The following ALK variants were observed in gnomAD, a reference collection of about 807,000 sequenced individuals.
ALK encodes the protein ALK tyrosine kinase receptor.
A neutral mutation model predicts 163.1 loss-of-function variants in ALK; 74 were observed. That is an observed-to-expected ratio of 0.45 (90% CI 0.38 to 0.55). ALK has a LOEUF of 0.55. Ranked by LOEUF, ALK falls within the 20% of genes least tolerant of loss-of-function variation. The probability of loss-of-function intolerance (pLI) is 0.00; values close to 1 mark genes in which losing one functional copy is unlikely to be tolerated. For synonymous variants in ALK, 960 were observed against 843.2 expected (o/e 1.14, Z -2.40); for missense variants, 2,063 against 2,105.3 (o/e 0.98, Z 0.39).
At chr2:29,771,814 A>G (rs142362682) in intron 1 of ALK, among the ~76,000 whole-genome samples, 1,695 of 152,254 alleles carry the variant, frequency 0.011, 27 homozygotes, top group African/African-American at 0.036. Context: ...GATTACAGGC[A>G]TGAGCCACTG....
At chr2:29,847,096 T>A (rs1665864363) in intron 1 of ALK, among the ~76,000 whole-genome samples, 1 of 152,146 alleles carries the variant, frequency 6.6e-6, no homozygotes, top group Admixed American at 6.5e-5. Flanking sequence ...GAGAGGAATC[T>A]CACTGTGGGT....
intron 3 of ALK, among the ~76,000 whole-genome samples, chr2:29,546,671 G>T (rs1191514480): frequency 6.6e-6 from 1 of 152,096 alleles, no homozygotes; most frequent in East Asian, 1.9e-4. Flanking sequence ...TTCAATTTTT[G>T]CTTTAAGTCC....
At chr2:29,750,881 C>A (rs1305601621) in intron 1 of ALK, among the ~76,000 whole-genome samples, 1 of 151,312 alleles carries the variant, frequency 6.6e-6, no homozygotes, top group Non-Finnish European at 1.5e-5. Flanking sequence ...ACCAGCCTGG[C>A]CAGCATGGTG....
chr2:29,452,304 T>C (rs1041161016), intron 4 of ALK, among the ~76,000 whole-genome samples: 2 of 151,156 alleles, frequency 1.3e-5, no homozygotes, highest in Non-Finnish European at 2.9e-5. Context: ...AGAGTGTGTT[T>C]CTCTTAGATC....
intron 3 of ALK, among the ~76,000 whole-genome samples, chr2:29,548,908 T>C (rs1227476371): frequency 6.6e-6 from 1 of 152,128 alleles, no homozygotes; most frequent in East Asian, 1.9e-4. Flanking sequence ...AAATCAATTT[T>C]TAAAATGCCT....
At chr2:29,645,301 A>G (rs6547964) in intron 3 of ALK, among the ~76,000 whole-genome samples, 24,978 of 152,098 alleles carry the variant, frequency 0.16, 4,595 homozygotes, top group African/African-American at 0.46. Context: ...AACCAAAAAT[A>G]CAAATATAAA....
intron 1 of ALK, among the ~76,000 whole-genome samples, chr2:29,728,426 C>T (rs1007368953): frequency 3.9e-5 from 6 of 152,204 alleles, no homozygotes; most frequent in Admixed American, 3.3e-4. Flanking sequence ...TGAGCAGAAC[C>T]CCACACTACC....
At chr2:29,493,551 C>A (rs1330614897) in intron 4 of ALK, among the ~76,000 whole-genome samples, 1 of 152,172 alleles carries the variant, frequency 6.6e-6, no homozygotes, top group Non-Finnish European at 1.5e-5. Flanking sequence ...CTCTTTTATT[C>A]TCTGAGGGAG....
chr2:29,893,585 T>C (rs1323206249), intron 1 of ALK, among the ~76,000 whole-genome samples: 1 of 152,164 alleles, frequency 6.6e-6, no homozygotes, highest in Non-Finnish European at 1.5e-5. Flanking sequence ...TCCAGGATTC[T>C]TTCTCAGCTT....
intron 4 of ALK, among the ~76,000 whole-genome samples, chr2:29,499,733 C>T (rs6725521): frequency 0.81 from 122,902 of 151,794 alleles, 50,013 homozygotes; most frequent in Non-Finnish European, 0.85. Context: ...CCGTGAACCA[C>T]CTTGCATGGA....
chr2:29,918,699 C>G (rs1441270613), intron 1 of ALK, among the ~76,000 whole-genome samples: 1 of 152,080 alleles, frequency 6.6e-6, no homozygotes, highest in African/African-American at 2.4e-5. Flanking sequence ...CATGAGAGTA[C>G]TCGTGTGTGT....
intron 5 of ALK, among the ~76,000 whole-genome samples, chr2:29,330,656 G>A (rs181310410): frequency 2.0e-5 from 3 of 152,348 alleles, no homozygotes; most frequent in Non-Finnish European, 4.4e-5. Flanking sequence ...CTTTGCTGCT[G>A]TGATTAAGAA....
chr2:29,416,794 G>A lies in ALK; in HGVS notation c.1155-32935C>T, dbSNP rs59107129. Among the ~76,000 whole-genome samples, 618 of 152,194 alleles carry A rather than the reference G, an allele frequency of 4.1e-3. 1 individual carries two copies. Among genetic ancestry groups the A allele is most frequent in the African/African-American group, 0.014 (563 of 41,508 alleles). On this transcript the variant is annotated intron_variant, in intron 4 of 28. Coordinates refer to ENST00000389048, the MANE Select transcript of ALK (RefSeq NM_004304.5). ...CCCCAACCAATAGCTACATGAGGTT[G>A]TGCTGATTACTTAACCAAGCTCTCT...
At chr2:29,318,021 T>C (rs554717338) in intron 8 of ALK, among the ~76,000 whole-genome samples, 1 of 152,346 alleles carries the variant, frequency 6.6e-6, no homozygotes, top group African/African-American at 2.4e-5. Flanking sequence ...CACTCTCCCT[T>C]GTTATGCCAT....
chr2:29,257,945 C>T (rs930774893), intron 11 of ALK, among the ~76,000 whole-genome samples: 1 of 152,192 alleles, frequency 6.6e-6, no homozygotes, highest in African/African-American at 2.4e-5. Flanking sequence ...CTCAAGCGAT[C>T]CTACCACCTC....
intron 1 of ALK, among the ~76,000 whole-genome samples, chr2:29,879,976 A>G (rs1461315932): frequency 6.6e-6 from 1 of 152,226 alleles, no homozygotes; most frequent in African/African-American, 2.4e-5. Context: ...ATCACCTGAG[A>G]TGATTTTCTC....
In ALK at chr2:29,594,095, A is replaced by G. The variant is rs573100907; in HGVS notation, c.953-61979T>C. ...ATTCTGCTAAACATCCTATAATCAC[A>G]AGGCAGACCCCCCAAAACAAAGAAT... On this transcript the variant is annotated intron_variant, in intron 3 of 28. Transcript: ENST00000389048. Among the ~76,000 whole-genome samples, 34 of 152,278 alleles carry G rather than the reference A, an allele frequency of 2.2e-4. No homozygotes were observed. In the South Asian group the frequency reaches 6.9e-3, roughly 31 times the overall value.
chr2:29,574,208 A>G (rs2148192589), intron 3 of ALK, among the ~76,000 whole-genome samples: 1 of 152,302 alleles, frequency 6.6e-6, no homozygotes, highest in Middle Eastern at 3.4e-3. Flanking sequence ...TTTGGATCCC[A>G]GCTGTGCAAA....
intron 1 of ALK, among the ~76,000 whole-genome samples, chr2:29,763,593 G>A (rs1263133140): frequency 2.6e-5 from 4 of 152,192 alleles, no homozygotes; most frequent in Non-Finnish European, 5.9e-5. Context: ...TGGAGACCCA[G>A]CTGCCTCTTG....
Sources: allele counts gnomAD v4.1 joint callset (sites outside exome capture counted in the v4.1 genomes callset), GRCh38; gene constraint gnomAD v4.1.1; transcripts MANE v1.5; gene names NCBI Gene and HGNC (gene_info 2026-07-23, HGNC 2026-07-21).